Variants in CARHSP1 observed in about 807,000 individuals in gnomAD.
CARHSP1 encodes calcium-regulated heat-stable protein 1.
CARHSP1 carries 14 observed loss-of-function variants against 12.5 expected under a neutral mutation model. The observed-to-expected ratio is 1.12, with a 90% CI of 0.74 to 1.75. The LOEUF (loss-of-function observed/expected upper bound fraction) is 1.75, where lower values mean the gene tolerates loss of function less well. Ranked by LOEUF, CARHSP1 falls within the 40% of genes most tolerant of loss-of-function variation. The pLI is 0.00. For synonymous variants in CARHSP1, 161 were observed against 82.0 expected, an observed-to-expected ratio of 1.96 and a Z score of -5.20; for missense variants, 343 against 201.6, an observed-to-expected ratio of 1.70 and a Z score of -4.25.
At chr16:8,865,041 A>G (rs2061431412) in intron 1 of CARHSP1, among the ~76,000 whole-genome samples, 1 of 152,324 alleles carries the variant, frequency 6.6e-6, no homozygotes, top group Non-Finnish European at 1.5e-5. Context: ...GCTTACTGCA[A>G]GGAGGGCTTT....
At position 8,862,247 on chromosome 16, in the gene CARHSP1, C is replaced by T. The variant is rs186761207; in HGVS notation, c.-7-2912G>A. The stretch of plus-strand genomic sequence containing the variant: ...CAAGTTACTTAATCTCTCTGGGCCT[C>T]AGTTTCCACATCTGGAAAATGGGAA... On this transcript the variant is annotated intron_variant, in intron 1 of 3. Transcript: ENST00000311052. 1.8e-4 allele frequency among the ~76,000 whole-genome samples: 28 copies of T among 152,108 alleles called. No homozygotes were observed. The East Asian group carries it at 5.2e-3, about 28-fold the overall frequency.
chr16:8,858,835 T>C, intron 2 of CARHSP1: 1 of 405,990 alleles, frequency 2.5e-6, no homozygotes, highest in Admixed American at 4.1e-5. Context: ...TGTGGGTCCT[T>C]TGCAGCCCTG....
At chr16:8,860,415 G>C (rs1433770714) in intron 1 of CARHSP1, 31 of 985,334 alleles carry the variant, frequency 3.1e-5, no homozygotes, top group Middle Eastern at 5.2e-4. Context: ...AATTTTTCAA[G>C]AGCAGGACAC....
Position 8,859,307 on chromosome 16 carries a change from G to C in CARHSP1, c.22C>G (p.Pro8Ala). 3 of 1,602,826 alleles carry C rather than the reference G, an allele frequency of 1.9e-6. No individual in the cohort carries two copies. The highest frequency in any genetic ancestry group is 1.7e-6 in the Non-Finnish European group (2 of 1,178,610). The change falls in exon 2 of 4, where the codon CCA (proline) becomes GCA (alanine). Residue 8 changes from proline to alanine, a missense_variant. Physicochemically the swap from Pro to Ala is conservative, Grantham distance 27. Coordinates refer to ENST00000311052, the MANE Select transcript of CARHSP1 (RefSeq NM_014316.4). ...GCTTGATGGGTGGGGGGCTGTGGTGGTGGGGGAGGCTCAGATGACATGGCT... is the reference window on the plus strand; with the variant it reads ...GCTTGATGGGTGGGGGGCTGTGGTGCTGGGGGAGGCTCAGATGACATGGCT... MSSEPPP[P>A]PQPPTHQASV... is the part of the protein sequence containing the mutation.
At position 8,853,484 on chromosome 16, in the gene CARHSP1, G is replaced by C. The variant is rs984440921; in HGVS notation, c.*1680C>G. 3 of 152,092 alleles carry C rather than the reference G, an allele frequency of 2.0e-5. No homozygotes were observed. The highest frequency in any genetic ancestry group is 6.6e-5 in the Admixed American group (1 of 15,258). 9.4% of individuals were successfully genotyped at this position (152,092 alleles called of 1,614,324 possible). ...GTCTCCACACACTCGCAATCAACAT[G>C]CGTATTTGCTATTCTCAAACAACTC... On this transcript the variant is annotated 3_prime_UTR_variant, in exon 4 of 4. Transcript: ENST00000311052.
chr16:8,861,526 G>T, intron 1 of CARHSP1: 1 of 1,082,242 alleles, frequency 9.2e-7, no homozygotes, highest in Non-Finnish European at 1.2e-6. Flanking sequence ...AGGCCCGACT[G>T]CTCAGAGGAG....
intron 1 of CARHSP1, chr16:8,860,552 T>G: frequency 1.0e-6 from 1 of 983,526 alleles, no homozygotes; most frequent in Non-Finnish European, 1.2e-6. Flanking sequence ...TCCTTTCCCA[T>G]CTCTGGGCTC....
Position 8,866,426 on chromosome 16 carries a change from G to C in CARHSP1, c.-8+2540C>G, listed in dbSNP as rs1430597769. ...CTAGCAGAGTAGCGAAGTTACCTTAGTGCACCTGGGTTCCTCCTTTGTAAA... is the reference window on the plus strand; with the variant it reads ...CTAGCAGAGTAGCGAAGTTACCTTACTGCACCTGGGTTCCTCCTTTGTAAA... On this transcript the variant is annotated intron_variant, in intron 1 of 3. Coordinates refer to ENST00000311052, the MANE Select transcript of CARHSP1 (RefSeq NM_014316.4). 30 of 985,052 alleles carry C rather than the reference G, an allele frequency of 3.0e-5. 1 individual carries two copies. Among genetic ancestry groups the C allele is most frequent in the Middle Eastern group, 1.0e-3 (2 of 1,936 alleles). The allele number at this position is 985,052 out of a possible 1,614,324, so 61.0% of individuals were successfully genotyped here. A position where few individuals can be genotyped will look rare whatever the true frequency, so the allele number is the denominator to read the frequency against.
At chr16:8,861,361 G>A (rs1263957140) in intron 1 of CARHSP1, among the ~76,000 whole-genome samples, 3 of 151,230 alleles carry the variant, frequency 2.0e-5, no homozygotes, top group Admixed American at 6.6e-5. Flanking sequence ...CAAAATCCAG[G>A]TTTCCAGCTG....
intron 1 of CARHSP1, chr16:8,861,660 T>A: frequency 1.6e-6 from 2 of 1,289,100 alleles, no homozygotes; most frequent in Non-Finnish European, 2.0e-6. Context: ...GGAGGTGGCA[T>A]CCTACCTCCT....
In CARHSP1 at chr16:8,854,036, A is replaced by G. The variant is rs919371781; in HGVS notation, c.*1128T>C. On this transcript the variant is annotated 3_prime_UTR_variant, in exon 4 of 4. Coordinates refer to ENST00000311052, the MANE Select transcript of CARHSP1 (RefSeq NM_014316.4). ...AGGGCAGAGGTTGCAGTAAGCTGAG[A>G]TCGGGCCACTGCACTCCAGCCTGGG... 3 of 152,170 alleles carry G rather than the reference A, an allele frequency of 2.0e-5. No homozygotes were observed. The highest frequency in any genetic ancestry group is 4.4e-5 in the Non-Finnish European group (3 of 68,034). 9.4% of individuals were successfully genotyped at this position (152,170 alleles called of 1,614,324 possible). A position where few individuals can be genotyped will look rare whatever the true frequency, so the allele number is the denominator to read the frequency against.
At chr16:8,857,263 G>GTTTTTTTTTGTTTTTTTTT (rs2061151640) in intron 3 of CARHSP1, among the ~76,000 whole-genome samples, 1 of 57,006 alleles carries the variant, frequency 1.8e-5, no homozygotes, top group East Asian at 8.8e-4. Context: ...GGGCAGATCT[G>GTTTTTTTTTGTTTTTTTTT]TTTTTTTTTT....
intron 1 of CARHSP1, among the ~76,000 whole-genome samples, chr16:8,862,563 TA>T (rs1170675406): frequency 2.6e-5 from 4 of 151,924 alleles, no homozygotes; most frequent in Admixed American, 1.3e-4. Context: ...CAGAAGGGGA[TA>T]GGGGGAGAAG....
At chr16:8,863,490 A>G (rs1015966066) in intron 1 of CARHSP1, among the ~76,000 whole-genome samples, 1 of 152,216 alleles carries the variant, frequency 6.6e-6, no homozygotes, top group Non-Finnish European at 1.5e-5. Context: ...ACTCAGCACC[A>G]TGCCCAGCCC....
intron 1 of CARHSP1, among the ~76,000 whole-genome samples, chr16:8,864,816 C>T (rs1165144082): frequency 6.6e-6 from 1 of 152,216 alleles, no homozygotes; most frequent in African/African-American, 2.4e-5. Context: ...CCGAAAATAG[C>T]CTGGGAATTT....
chr16:8,861,798 A>T, intron 1 of CARHSP1: 1 of 1,245,696 alleles, frequency 8.0e-7, no homozygotes, highest in Non-Finnish European at 1.0e-6. Flanking sequence ...CACAGGTCAT[A>T]GAGTCCTAGA....
intron 2 of CARHSP1, chr16:8,858,735 T>C (rs2061239194): frequency 1.8e-5 from 9 of 498,558 alleles, no homozygotes; most frequent in Non-Finnish European, 3.2e-5. Flanking sequence ...AAAACATCAC[T>C]GAACATCCCT....
At chr16:8,865,159 A>G (rs2061433066) in intron 1 of CARHSP1, among the ~76,000 whole-genome samples, 1 of 152,200 alleles carries the variant, frequency 6.6e-6, no homozygotes, top group African/African-American at 2.4e-5. Context: ...CCCAGGATGG[A>G]GTGCAGTGGC....
chr16:8,861,850 G>A (rs1337030194), intron 1 of CARHSP1: 18 of 1,191,164 alleles, frequency 1.5e-5, no homozygotes, highest in Non-Finnish European at 1.9e-5. Flanking sequence ...CTGGCCCTGG[G>A]AGGGGAGGGC....
Sources: gnomAD v4.1 joint callset for allele counts (sites outside exome capture counted in the v4.1 genomes callset) on GRCh38, gnomAD v4.1.1 for gene constraint, MANE v1.5 for transcripts, NCBI Gene and HGNC (gene_info 2026-07-23, HGNC 2026-07-21) for gene names.